MACF1: variants seen among roughly 807,000 people sequenced by gnomAD.
The protein encoded by MACF1 is microtubule actin crosslinking factor 1, also known as microtubule-actin cross-linking factor 1.
A neutral mutation model predicts 854.8 loss-of-function variants in MACF1; 193 were observed. The observed-to-expected ratio is 0.23, with a 90% CI of 0.20 to 0.25. The LOEUF (loss-of-function observed/expected upper bound fraction) is 0.25, where lower values mean the gene tolerates loss of function less well. Ranked by LOEUF, MACF1 falls within the 10% of genes least tolerant of loss-of-function variation. MACF1 has a pLI of 1.00. For synonymous variants in MACF1, 3,185 were observed against 3,226.7 expected, an observed-to-expected ratio of 0.99 and a Z score of 0.44; for missense variants, 7,722 against 8,929.1, an observed-to-expected ratio of 0.86 and a Z score of 5.45.
chr1:39,448,118 C>G lies in MACF1; in HGVS notation c.20054C>G (p.Pro6685Arg), dbSNP rs1644264601. 4 of 1,614,042 alleles carry G rather than the reference C, an allele frequency of 2.5e-6. No individual in the cohort carries two copies. The highest frequency in any genetic ancestry group is 3.4e-6 in the Non-Finnish European group (4 of 1,179,956). Residue 6685 changes from proline (P) to arginine (R), a missense_variant, in exon 83 of 101, where the codon CCA becomes CGA. This residue lies in a region of MACF1 where 729 missense variants were observed against 900.5 expected (regional missense o/e 0.81). Coordinates refer to ENST00000564288, the MANE Select transcript of MACF1 (RefSeq NM_001394062.1). ...LDSELEISNDPDKIKLQLSKH... is the reference protein window; with the variant it reads ...LDSELEISNDRDKIKLQLSKH... ...TCAGAACTAGAGATATCCAATGACC[C>G]AGACAAAATTAAACTTCAGCTTTCT...
At chr1:39,189,953 G>T (rs1215656624) in intron 2 of MACF1, among the ~76,000 whole-genome samples, 1 of 152,126 alleles carries the variant, frequency 6.6e-6, no homozygotes, top group Non-Finnish European at 1.5e-5. Flanking sequence ...CAGAATTTTA[G>T]AGCTGGAAAA....
At chr1:39,431,042 C>A in intron 66 of MACF1, 134 bp downstream of exon 66, 1 of 851,014 alleles carries the variant, frequency 1.2e-6, no homozygotes, top group Non-Finnish European at 1.9e-6. Flanking sequence ...AAATATGTTT[C>A]ATTGATGGGA....
intron 6 of MACF1, chr1:39,268,498 C>T (rs78853913): frequency 8.7e-7 from 1 of 1,154,024 alleles, no homozygotes; most frequent in African/African-American, 1.6e-5. Context: ...AGCTCTGAGC[C>T]TGTAAGATGG....
rs2148474405 is a variant in MACF1, at chr1:39,335,348, T to A, written c.8760T>A (p.Ile2920=). 1 of 1,613,788 alleles carries A rather than the reference T, an allele frequency of 6.2e-7. No homozygotes were observed. ...AAGCAGTGACAAAAATAGAAATTAT[T>A]TCTCATATGAAGCAGTCTACCTCAT... ...QEKAVTKIEI[I]SHMKQSTSCL... The change falls in exon 37 of 101, where the codon ATT becomes ATA. Residue 2920 remains isoleucine (I), a synonymous_variant. Transcript: ENST00000564288.
At chr1:39,479,218 C>T (rs1644969869) in intron 97 of MACF1, among the ~76,000 whole-genome samples, 1 of 152,172 alleles carries the variant, frequency 6.6e-6, no homozygotes, top group Non-Finnish European at 1.5e-5. Context: ...TGTGCATGGT[C>T]TTGATCTCTT....
At chr1:39,272,426 G>A (rs74066727) in intron 6 of MACF1, among the ~76,000 whole-genome samples, 4,695 of 152,312 alleles carry the variant, frequency 0.031, 235 homozygotes, top group African/African-American at 0.11. Flanking sequence ...GGGAGGGCAA[G>A]GGTCAGAAGA....
intron 70 of MACF1, 29 bp from the exon 71 acceptor site, chr1:39,437,748 G>C (rs755763207): frequency 1.4e-6 from 2 of 1,479,850 alleles, no homozygotes; most frequent in South Asian, 1.1e-5. Context: ...GAGGTATGCT[G>C]TGATGGTAAT....
Position 39,451,185 on chromosome 1 carries a change from G to A in MACF1, c.20392G>A (p.Val6798Ile), listed in dbSNP as rs893947797. 11 of 1,614,016 alleles carry A rather than the reference G, an allele frequency of 6.8e-6. No individual in the cohort carries two copies. Among genetic ancestry groups the A allele is most frequent in the Admixed American group, 3.3e-5 (2 of 60,014 alleles). ...GCCCGTGCACGGGGACCTTGACCTC[G>A]TCATGAACCTCATGGATGCACACAA... The part of the protein sequence containing the change: ...DQPVHGDLDL[V>I]MNLMDAHKVF... The change falls in exon 85 of 101, where the codon GTC becomes ATC. Residue 6798 changes from valine to isoleucine, a missense_variant. Val to Ile is a conservative substitution (Grantham distance 29, BLOSUM62 3). This residue lies in a region of MACF1 where 729 missense variants were observed against 900.5 expected (regional missense o/e 0.81). Transcript: ENST00000564288.
chr1:39,287,213 TAAGGAAG>T (rs1645662300), intron 14 of MACF1, 66 bp from the exon 15 acceptor site: 2 of 1,452,572 alleles, frequency 1.4e-6, no homozygotes, highest in African/African-American at 2.9e-5. Flanking sequence ...GTCAAATGGA[TAAGGAAG>T]ATTTTATTTT....
At chr1:39,371,770 C>G (rs559123742) in intron 51 of MACF1, among the ~76,000 whole-genome samples, 2 of 151,300 alleles carry the variant, frequency 1.3e-5, no homozygotes, top group East Asian at 3.9e-4. Flanking sequence ...TCTTTATATG[C>G]ATGTTGTTCC....
intron 2 of MACF1, among the ~76,000 whole-genome samples, chr1:39,134,278 C>A (rs1643102569): frequency 6.6e-6 from 1 of 151,510 alleles, no homozygotes; most frequent in Non-Finnish European, 1.5e-5. Context: ...GATCTCCTGA[C>A]CTCGTGATCC....
In MACF1 at chr1:39,336,129, G is replaced by C. The variant is rs1459815428; in HGVS notation, c.9541G>C (p.Ala3181Pro). ...ATACCAAGAAGTATCTTTTGACCCA[G>C]CAAGAGGTCTTAAATTGGAAGAAAT... is the stretch of plus-strand genomic sequence containing the variant. ...KSYQEVSFDPARGLKLEEITV... is the reference protein window; with the variant it reads ...KSYQEVSFDPPRGLKLEEITV... Residue 3181 changes from alanine (A) to proline (P), a missense_variant, in exon 37 of 101, where the codon GCA becomes CCA. Ala to Pro is a conservative substitution (Grantham distance 27). Transcript: ENST00000564288. 6.2e-7 allele frequency: 1 copy of C among 1,614,128 alleles called. No homozygotes were observed. The highest frequency in any genetic ancestry group is 1.7e-5 in the Admixed American group (1 of 60,008).
intron 98 of MACF1, 86 bp from the exon 99 acceptor site, chr1:39,480,834 A>G (rs550250049): frequency 2.1e-5 from 15 of 699,244 alleles, no homozygotes; most frequent in African/African-American, 1.8e-4. Context: ...AGTATCTTCT[A>G]TTTATTTTTT....
At chr1:39,292,461 T>C (rs972693770) in intron 16 of MACF1, among the ~76,000 whole-genome samples, 1 of 152,208 alleles carries the variant, frequency 6.6e-6, no homozygotes, top group Non-Finnish European at 1.5e-5. Flanking sequence ...ATATTTCAAC[T>C]CTTCCCTTCA....
chr1:39,250,388 T>C (rs1438371340), intron 3 of MACF1, among the ~76,000 whole-genome samples: 1 of 152,222 alleles, frequency 6.6e-6, no homozygotes, highest in Non-Finnish European at 1.5e-5. Context: ...CTTTATTTTC[T>C]AGATACTAAT....
intron 79 of MACF1, among the ~76,000 whole-genome samples, chr1:39,444,208 G>A (rs899110808): frequency 1.3e-5 from 2 of 151,970 alleles, no homozygotes; most frequent in South Asian, 2.1e-4. Flanking sequence ...GGTGGCGGGC[G>A]CCTGTAGTCC....
intron 6 of MACF1, among the ~76,000 whole-genome samples, chr1:39,275,912 G>GCTTCTT (rs57589734): frequency 3.7e-4 from 54 of 146,370 alleles, no homozygotes; most frequent in Admixed American, 8.8e-4. Flanking sequence ...GCCTTCATCT[G>GCTTCTT]CTTCTTCTTC....
chr1:39,172,259 T>C (rs919189996), intron 2 of MACF1, among the ~76,000 whole-genome samples: 3 of 152,222 alleles, frequency 2.0e-5, no homozygotes, highest in African/African-American at 7.2e-5. Context: ...TTTTCCCCAC[T>C]GCCTAGAATT....
chr1:39,334,218 C>T lies in MACF1; in HGVS notation c.7630C>T (p.His2544Tyr), dbSNP rs756144723. ...CAAAAGAGTTGAGAACTTAAACATC[C>T]ATCAGATTTTTAATCCTGAAACGAA... Reference protein sequence around the residue: ...KLKRVENLNIHQIFNPETKEN... With the variant: ...KLKRVENLNIYQIFNPETKEN... Residue 2544 changes from histidine (H) to tyrosine (Y), a missense_variant, in exon 37 of 101, where the codon CAT becomes TAT. By Grantham distance (83) the His-to-Tyr change is moderately conservative. Around this residue, in one of 15 missense-constraint regions of MACF1, gnomAD observed 1,531 missense variants for 1,601.6 expected, o/e 0.96. Coordinates refer to ENST00000564288, the MANE Select transcript of MACF1 (RefSeq NM_001394062.1). 1 of 1,614,046 alleles carries T rather than the reference C, an allele frequency of 6.2e-7. No individual in the cohort carries two copies. Among genetic ancestry groups the T allele is most frequent in the Non-Finnish European group, 8.5e-7 (1 of 1,179,966 alleles).
Sources: gnomAD v4.1 joint callset for allele counts (sites outside exome capture counted in the v4.1 genomes callset) on GRCh38, gnomAD v4.1.1 for gene constraint, gnomAD v4.1.1 regional missense constraint, MANE v1.5 for transcripts, NCBI Gene and HGNC (gene_info 2026-07-23, HGNC 2026-07-21) for gene names.